Variants in COPB1 observed in about 807,000 individuals in gnomAD.
COPB1 encodes coatomer subunit beta.
COPB1 carries 21 observed loss-of-function variants against 108.7 expected under a neutral mutation model. The ratio of observed to expected loss-of-function variants is 0.19; its 90% CI spans 0.14 to 0.28. The LOEUF (loss-of-function observed/expected upper bound fraction) is 0.28. COPB1 is among the 10% of genes least tolerant of loss of function. The probability of loss-of-function intolerance (pLI) is 1.00; values close to 1 mark genes in which losing one functional copy is unlikely to be tolerated. For synonymous variants in COPB1, 378 were observed against 386.8 expected, an observed-to-expected ratio of 0.98 and a Z score of 0.27; for missense variants, 919 against 1,141.3, an observed-to-expected ratio of 0.81 and a Z score of 2.81.
chr11:14,464,592 C>T (rs1850237472), intron 18 of COPB1, among the ~76,000 whole-genome samples: 1 of 152,170 alleles, frequency 6.6e-6, no homozygotes, highest in Non-Finnish European at 1.5e-5. Context: ...ATAAAGCCTT[C>T]CACACTGTTA....
chr11:14,459,475 C>T (rs758375911), intron 20 of COPB1, among the ~76,000 whole-genome samples: 2 of 151,806 alleles, frequency 1.3e-5, no homozygotes, highest in Non-Finnish European at 2.9e-5. Context: ...CTTTCTCTCT[C>T]GTTTTTTTCA....
chr11:14,494,453 T>G lies in COPB1; in HGVS notation c.92-14A>C. 1 of 1,018,242 alleles carries G rather than the reference T, an allele frequency of 9.8e-7. No individual in the cohort carries two copies. Among genetic ancestry groups the G allele is most frequent in the South Asian group, 1.8e-5 (1 of 57,018 alleles). 63.1% of individuals were successfully genotyped at this position (1,018,242 alleles called of 1,614,324 possible). ...CATCTCCTTTTTCTGAATCAAAAAT[T>G]TTTTTAAAAAAAAGCACAATTATTT... On this transcript the variant is annotated splice_polypyrimidine_tract_variant and intron_variant, in intron 2 of 21. Coordinates refer to ENST00000439561, the MANE Select transcript of COPB1 (RefSeq NM_001144061.2).
rs761141666 is a variant in COPB1 at position 14,461,231 on chromosome 11, A to C, written c.2511T>G (p.Asp837Glu). 1 of 1,614,210 alleles carries C rather than the reference A, an allele frequency of 6.2e-7. No homozygotes were observed. The highest frequency in any genetic ancestry group is 8.5e-7 in the Non-Finnish European group (1 of 1,180,032). The change falls in exon 19 of 22, where the codon GAT becomes GAG. Residue 837 changes from aspartate (D) to glutamate (E), a missense_variant. Around this residue, in one of 5 missense-constraint regions of COPB1, gnomAD observed 705 missense variants for 817.8 expected, o/e 0.86. Coordinates refer to ENST00000439561, the MANE Select transcript of COPB1 (RefSeq NM_001144061.2). ...MDYIQPATCT[D>E]AEFRQMWAEF... The stretch of plus-strand genomic sequence containing the variant: ...CGGCCCACATCTGACGGAATTCTGC[A>C]TCAGTGCAAGTTGCAGGCTGGATAT...
At chr11:14,467,656 A>C (rs930311840) in intron 16 of COPB1, among the ~76,000 whole-genome samples, 1 of 152,246 alleles carries the variant, frequency 6.6e-6, no homozygotes, top group African/African-American at 2.4e-5. Flanking sequence ...AGGGATGGAT[A>C]TATGGATAAA....
At chr11:14,476,853 A>G in intron 12 of COPB1, 66 bp downstream of exon 12, 1 of 1,014,528 alleles carries the variant, frequency 9.9e-7, no homozygotes, top group Non-Finnish European at 1.6e-6. Flanking sequence ...AAATCACTAT[A>G]AAAAGTCAGA....
intron 13 of COPB1, 90 bp downstream of exon 13, chr11:14,475,695 A>C: frequency 7.6e-7 from 1 of 1,309,368 alleles, no homozygotes; most frequent in Non-Finnish European, 1.0e-6. Flanking sequence ...TGGTTGCAAA[A>C]GCAAGAGGAA....
chr11:14,476,577 C>T (rs2134108767), intron 12 of COPB1, among the ~76,000 whole-genome samples: 1 of 152,258 alleles, frequency 6.6e-6, no homozygotes, highest in Admixed American at 6.5e-5. Context: ...GTCGACACAA[C>T]AATGACTAGA....
intron 14 of COPB1, 42 bp downstream of exon 14, chr11:14,474,453 C>T: frequency 6.3e-7 from 1 of 1,587,530 alleles, no homozygotes; most frequent in Non-Finnish European, 8.6e-7. Flanking sequence ...AGTAGGCACT[C>T]AATGTTTAAT....
Position 14,469,253 on chromosome 11 carries a change from T to A in COPB1, c.1965+83A>T, listed in dbSNP as rs1214290403. On this transcript the variant is annotated intron_variant, in intron 15 of 21. Coordinates refer to ENST00000439561, the MANE Select transcript of COPB1 (RefSeq NM_001144061.2). ...CCCAAGGAGTCCTCCTGCCTCAGCCTCCCAAAGTGCTGGGATTACAGGCGT... is the reference window on the plus strand; with the variant it reads ...CCCAAGGAGTCCTCCTGCCTCAGCCACCCAAAGTGCTGGGATTACAGGCGT... 4 of 1,169,862 alleles carry A rather than the reference T, an allele frequency of 3.4e-6. No individual in the cohort carries two copies. In the East Asian group the frequency reaches 7.0e-5, roughly 21 times the overall value. 72.5% of individuals were successfully genotyped at this position (1,169,862 alleles called of 1,614,324 possible). A position where few individuals can be genotyped will look rare whatever the true frequency, so the allele number is the denominator to read the frequency against.
chr11:14,496,571 A>T (rs1424797627), intron 2 of COPB1, among the ~76,000 whole-genome samples: 1 of 152,168 alleles, frequency 6.6e-6, no homozygotes, highest in African/African-American at 2.4e-5. Flanking sequence ...ACAAATGGAA[A>T]GATATTCCAT....
chr11:14,461,103 GA>G, intron 19 of COPB1, 82 bp downstream of exon 19: 2 of 1,542,596 alleles, frequency 1.3e-6, no homozygotes, highest in Non-Finnish European at 1.8e-6. Context: ...TTTTTAGCGA[GA>G]TTAATTTTAT....
chr11:14,468,570 C>T (rs529638837), intron 16 of COPB1, 111 bp downstream of exon 16: 2 of 1,015,430 alleles, frequency 2.0e-6, no homozygotes, highest in East Asian at 4.8e-5. Context: ...TTTAATGGAC[C>T]TATCACAGTG....
chr11:14,483,909 C>T (rs1318075863), intron 7 of COPB1, among the ~76,000 whole-genome samples: 1 of 152,172 alleles, frequency 6.6e-6, no homozygotes, highest in Non-Finnish European at 1.5e-5. Context: ...AGTATCTCCC[C>T]CTACAACATG....
intron 4 of COPB1, among the ~76,000 whole-genome samples, chr11:14,492,405 G>A (rs748610525): frequency 1.8e-4 from 27 of 151,838 alleles, no homozygotes; most frequent in East Asian, 3.9e-4. Flanking sequence ...GTGCAATAGC[G>A]CGATCTCGGT....
At chr11:14,487,543 C>T (rs750560480) in intron 6 of COPB1, among the ~76,000 whole-genome samples, 16 of 151,938 alleles carry the variant, frequency 1.1e-4, no homozygotes, top group Admixed American at 2.6e-4. Flanking sequence ...GATACGGTGG[C>T]GTGCACCTGT....
At chr11:14,494,189 A>T (rs1347701665) in intron 3 of COPB1, 21 bp downstream of exon 3, 1 of 1,501,184 alleles carries the variant, frequency 6.7e-7, no homozygotes. Context: ...AATATTCAGA[A>T]ATAATTATGA....
rs1439364325 is a variant in COPB1, at chr11:14,468,706, T to G, written c.2120A>C (p.Asp707Ala). ...MGNTQRKEAA[D>A]PLASKLNKVT... ...CTTGTTAAGTTTAGATGCTAGGGGA[T>G]CTGCTGCCTCTTTCCTCTGTGTGTT... is the stretch of plus-strand genomic sequence containing the variant. The change falls in exon 16 of 22, where the codon GAT (aspartate) becomes GCT (alanine). Residue 707 changes from aspartate to alanine, a missense_variant. Asp to Ala is a moderately radical substitution (Grantham distance 126). Transcript: ENST00000439561. 1.9e-6 allele frequency: 3 copies of G among 1,613,980 alleles called. No homozygotes were observed. The highest frequency in any genetic ancestry group is 2.5e-6 in the Non-Finnish European group (3 of 1,179,996).
In COPB1 at chr11:14,476,420, T is replaced by C. The variant is rs536275271; in HGVS notation, c.1456-475A>G. The stretch of plus-strand genomic sequence containing the variant: ...TTTTAAATTAACTGAATGGCTATTA[T>C]GTATTTATTACTCAATACCAGTCCA... On this transcript the variant is annotated intron_variant, in intron 12 of 21. Transcript: ENST00000439561. 6.6e-5 allele frequency among the ~76,000 whole-genome samples: 10 copies of C among 152,388 alleles called. No homozygotes were observed. In the South Asian group the frequency reaches 1.4e-3, roughly 22 times the overall value.
In COPB1 at chr11:14,469,452, G is replaced by C. The variant is rs751899671; in HGVS notation, c.1849C>G (p.Leu617Val). The change falls in exon 15 of 22, where the codon CTC (leucine) becomes GTC (valine). Residue 617 changes from leucine to valine, a missense_variant. Physicochemically the swap from Leu to Val is conservative, Grantham distance 32. Around this residue, in one of 5 missense-constraint regions of COPB1, gnomAD observed 705 missense variants for 817.8 expected, o/e 0.86. Transcript: ENST00000439561. ...DDDVDRISLCLKVLSECSPLM... is the reference protein window; with the variant it reads ...DDDVDRISLCVKVLSECSPLM... ...GGTGAACATTCAGACAAGACCTTGA[G>C]GCACAGGGAAATTCGATCCACATCA... 1 of 1,614,122 alleles carries C rather than the reference G, an allele frequency of 6.2e-7. No homozygotes were observed. Among genetic ancestry groups the C allele is most frequent in the Admixed American group, 1.7e-5 (1 of 60,022 alleles).
Sources: gnomAD v4.1 joint callset for allele counts (sites outside exome capture counted in the v4.1 genomes callset) on GRCh38, gnomAD v4.1.1 for gene constraint, gnomAD v4.1.1 regional missense constraint, MANE v1.5 for transcripts, NCBI Gene and HGNC (gene_info 2026-07-23, HGNC 2026-07-21) for gene names.